Variants in ROCK2 observed in about 807,000 individuals in gnomAD.
The protein encoded by ROCK2 is Rho associated coiled-coil containing protein kinase 2.
ROCK2 carries 61 observed loss-of-function variants against 195.1 expected under a neutral mutation model. The ratio of observed to expected loss-of-function variants is 0.31; its 90% CI spans 0.25 to 0.39. The LOEUF (loss-of-function observed/expected upper bound fraction) is 0.39, where lower values mean the gene tolerates loss of function less well. Ranked by LOEUF, ROCK2 falls within the 10% of genes least tolerant of loss-of-function variation. The pLI, the probability that ROCK2 is intolerant of heterozygous loss-of-function variation, is 1.00. For synonymous variants in ROCK2, 504 were observed against 545.5 expected, an observed-to-expected ratio of 0.92 and a Z score of 1.06; for missense variants, 1,109 against 1,637.4, an observed-to-expected ratio of 0.68 and a Z score of 5.57.
In ROCK2 at chr2:11,198,496, T is replaced by C. The variant is rs1242005227; in HGVS notation, c.3094A>G (p.Thr1032Ala). 1.3e-6 allele frequency: 2 copies of C among 1,599,270 alleles called. No individual in the cohort carries two copies. The highest frequency in any genetic ancestry group is 1.7e-6 in the Non-Finnish European group (2 of 1,167,824). The part of the protein sequence containing the change: ...KQLLTERTLK[T>A]QAVNKLAEIM... ...TTAGATTCTATTATACATACTTGAG[T>C]TTTGAGTGTTCTTTCTGTTAATAGC... The change falls in exon 25 of 33, where the codon ACT becomes GCT. Residue 1032 changes from threonine (T) to alanine (A), a missense_variant. Thr to Ala is a moderately conservative substitution (Grantham distance 58). Transcript: ENST00000315872.
intron 2 of ROCK2, among the ~76,000 whole-genome samples, chr2:11,287,250 C>T (rs917489856): frequency 6.6e-6 from 1 of 152,100 alleles, no homozygotes; most frequent in African/African-American, 2.4e-5. Flanking sequence ...GGTTACCACA[C>T]ATATGGTAAT....
rs1427521670 is a variant in ROCK2, at chr2:11,211,552, G to GT, written c.2203+128dup. The GT allele has an allele frequency of 6.5e-5, 54 of 826,796 alleles. No individual in the cohort carries two copies. In the South Asian group the frequency reaches 6.7e-4, roughly 10 times the overall value. 51.2% of individuals were successfully genotyped at this position (826,796 alleles called of 1,614,324 possible). On this transcript the variant is annotated intron_variant, in intron 18 of 32. Coordinates refer to ENST00000315872, the MANE Select transcript of ROCK2 (RefSeq NM_004850.5). ...ATATCTATGTAAAGCTTCCCTAATA[G>GT]TTTTTTTCCCTCCAATTCCCAATAT...
chr2:11,215,708 A>G (rs1192820945), intron 13 of ROCK2, 63 bp from the exon 14 acceptor site: 1 of 1,352,428 alleles, frequency 7.4e-7, no homozygotes, highest in Non-Finnish European at 1.0e-6. Flanking sequence ...AAAACAAAAA[A>G]TACTTGCTAT....
chr2:11,288,732 G>A (rs1352370829), intron 1 of ROCK2, among the ~76,000 whole-genome samples: 1 of 140,108 alleles, frequency 7.1e-6, no homozygotes, highest in African/African-American at 2.4e-5. Flanking sequence ...ACCTTTAGGG[G>A]ACTTGGATAG....
At chr2:11,291,013 T>C (rs1478459210) in intron 1 of ROCK2, among the ~76,000 whole-genome samples, 1 of 152,138 alleles carries the variant, frequency 6.6e-6, no homozygotes, top group South Asian at 2.1e-4. Context: ...GTTGTCTATA[T>C]GCAAAAAGCA....
intron 1 of ROCK2, among the ~76,000 whole-genome samples, chr2:11,298,476 A>T (rs1014669603): frequency 6.6e-6 from 1 of 151,342 alleles, no homozygotes; most frequent in Non-Finnish European, 1.5e-5. Flanking sequence ...TCTCAAAAAA[A>T]AAAAAAAAAA....
At chr2:11,256,314 A>G (rs80299063) in intron 3 of ROCK2, among the ~76,000 whole-genome samples, 3,499 of 151,104 alleles carry the variant, frequency 0.023, 155 homozygotes, top group East Asian at 0.052. Flanking sequence ...CCTGATAGTG[A>G]GTTCTCATGA....
rs1572330415 is a variant in ROCK2, at chr2:11,263,668, C to A, written c.325-13870G>T. On this transcript the variant is annotated intron_variant, in intron 3 of 32. Coordinates refer to ENST00000315872, the MANE Select transcript of ROCK2 (RefSeq NM_004850.5). Reference sequence around the variant, plus strand: ...AGCACAAGGCACACACACACACACACACACAAAAAAAAACAAAGAGCATGC... The same window carrying A: ...AGCACAAGGCACACACACACACACAAACACAAAAAAAAACAAAGAGCATGC... Among the ~76,000 whole-genome samples, 4 of 146,520 alleles carry A rather than the reference C, an allele frequency of 2.7e-5. No homozygotes were observed. The East Asian group carries it at 6.0e-4, about 22-fold the overall frequency.
At chr2:11,313,496 T>C (rs1358984413) in intron 1 of ROCK2, among the ~76,000 whole-genome samples, 1 of 152,068 alleles carries the variant, frequency 6.6e-6, no homozygotes, top group Admixed American at 6.5e-5. Context: ...TTGCATTTCT[T>C]TGGTGAATTG....
intron 3 of ROCK2, among the ~76,000 whole-genome samples, chr2:11,259,492 T>C (rs1666148078): frequency 6.6e-6 from 1 of 151,454 alleles, no homozygotes. Flanking sequence ...GGTCCTGCTC[T>C]GCCACTTAAT....
intron 1 of ROCK2, among the ~76,000 whole-genome samples, chr2:11,337,402 G>A (rs1310861657): frequency 6.6e-6 from 1 of 152,054 alleles, no homozygotes; most frequent in African/African-American, 2.4e-5. Context: ...TTTTTAATGG[G>A]CAAAAATGGA....
intron 1 of ROCK2, among the ~76,000 whole-genome samples, chr2:11,317,599 TA>T (rs1668250053): frequency 1.2e-4 from 2 of 17,378 alleles, no homozygotes; most frequent in African/African-American, 3.5e-4. Flanking sequence ...TATATATATA[TA>T]TATATATATA....
chr2:11,289,827 A>G (rs562964898), intron 1 of ROCK2, among the ~76,000 whole-genome samples: 117 of 152,356 alleles, frequency 7.7e-4, no homozygotes, highest in African/African-American at 2.7e-3. Context: ...ATATTTTCCC[A>G]TAAGATTCCC....
At chr2:11,222,518 G>A (rs1283886607) in intron 7 of ROCK2, among the ~76,000 whole-genome samples, 1 of 152,046 alleles carries the variant, frequency 6.6e-6, no homozygotes, top group Admixed American at 6.6e-5. Context: ...AACAGACATA[G>A]GTCTAACTTT....
chr2:11,187,595 G>A (rs1663243826), intron 32 of ROCK2, among the ~76,000 whole-genome samples: 2 of 152,058 alleles, frequency 1.3e-5, no homozygotes, highest in Admixed American at 1.3e-4. Context: ...TTTTGTATGG[G>A]GATGAGGCAA....
At chr2:11,211,106 T>C (rs1226487976) in intron 18 of ROCK2, among the ~76,000 whole-genome samples, 1 of 152,244 alleles carries the variant, frequency 6.6e-6, no homozygotes, top group African/African-American at 2.4e-5. Context: ...AATTCCAGGA[T>C]AAAGTCTAGT....
chr2:11,318,495 C>T (rs547423677), intron 1 of ROCK2, among the ~76,000 whole-genome samples: 12 of 152,082 alleles, frequency 7.9e-5, no homozygotes, highest in Non-Finnish European at 1.6e-4. Flanking sequence ...TTTGTAGATT[C>T]TGGATATTAG....
At chr2:11,195,531 T>A (rs1044393044) in intron 27 of ROCK2, among the ~76,000 whole-genome samples, 1 of 152,228 alleles carries the variant, frequency 6.6e-6, no homozygotes, top group Admixed American at 6.5e-5. Flanking sequence ...TTTCTTTTTT[T>A]TGAGATGGAG....
At chr2:11,252,803 G>A (rs1203976284) in intron 3 of ROCK2, among the ~76,000 whole-genome samples, 1 of 152,090 alleles carries the variant, frequency 6.6e-6, no homozygotes, top group Non-Finnish European at 1.5e-5. Context: ...GCCTGTCACG[G>A]GGTGAGGGGC....
Sources: gnomAD v4.1 joint callset for allele counts (sites outside exome capture counted in the v4.1 genomes callset) on GRCh38, gnomAD v4.1.1 for gene constraint, MANE v1.5 for transcripts, NCBI Gene and HGNC (gene_info 2026-07-23, HGNC 2026-07-21) for gene names.